The following NECAB1 variants were observed in gnomAD, a reference collection of about 807,000 sequenced individuals.
NECAB1 encodes the protein N-terminal EF-hand calcium-binding protein 1.
NECAB1 carries 29 observed loss-of-function variants against 57.5 expected under a neutral mutation model. The observed-to-expected ratio is 0.50, with a 90% CI of 0.38 to 0.69. The LOEUF (loss-of-function observed/expected upper bound fraction) is 0.69, where lower values mean the gene tolerates loss of function less well. NECAB1 is among the 30% of genes least tolerant of loss of function. The pLI is 0.00. For missense variants in NECAB1, 372 were observed against 413.8 expected (o/e 0.90, Z 0.88); for synonymous variants, 142 against 147.7 (o/e 0.96, Z 0.28).
intron 12 of NECAB1, among the ~76,000 whole-genome samples, chr8:90,952,133 A>G (rs1021972245): frequency 3.3e-5 from 5 of 152,006 alleles, no homozygotes; most frequent in Non-Finnish European, 7.4e-5. Context: ...ACATGTTCTA[A>G]TCAGTAATAA....
chr8:90,835,984 GA>G (rs1812365411), intron 3 of NECAB1, among the ~76,000 whole-genome samples: 1 of 152,202 alleles, frequency 6.6e-6, no homozygotes, highest in South Asian at 2.1e-4. Context: ...TTTTGTTTGG[GA>G]GGAGGATAAA....
chr8:90,877,558 C>T (rs1808750205), intron 4 of NECAB1, among the ~76,000 whole-genome samples: 1 of 152,126 alleles, frequency 6.6e-6, no homozygotes, highest in Non-Finnish European at 1.5e-5. Flanking sequence ...TACAAATCAC[C>T]TGGGGGTCTT....
intron 12 of NECAB1, among the ~76,000 whole-genome samples, chr8:90,955,147 T>TATATAC (rs1343129307): frequency 1.5e-5 from 2 of 134,920 alleles, no homozygotes; most frequent in African/African-American, 5.7e-5. Context: ...TATATATATA[T>TATATAC]ATGGCCTAAC....
rs868820634 is a variant in NECAB1, at chr8:90,857,572, T to C, written c.234-14556T>C. On this transcript the variant is annotated intron_variant, in intron 3 of 12. Coordinates refer to ENST00000417640, the MANE Select transcript of NECAB1 (RefSeq NM_022351.5). The stretch of plus-strand genomic sequence containing the variant: ...TAACTAGTATATATATGCTTTTTCA[T>C]GTGAAACACAGGAACATAATTTCTA... Among the ~76,000 whole-genome samples the C allele has an allele frequency of 3.3e-5, 5 of 152,278 alleles. No homozygotes were observed. In the South Asian group the frequency reaches 1.0e-3, roughly 32 times the overall value.
intron 2 of NECAB1, chr8:90,812,875 T>C (rs1444249076): frequency 6.6e-6 from 1 of 152,216 alleles, no homozygotes; most frequent in African/African-American, 2.4e-5. Context: ...TAAAAGTACC[T>C]CGCAAAATAA....
chr8:90,926,283 C>T (rs529366368), intron 7 of NECAB1, among the ~76,000 whole-genome samples: 2 of 152,072 alleles, frequency 1.3e-5, no homozygotes, highest in African/African-American at 4.8e-5. Context: ...GTCATTTTAA[C>T]ACGAGTCTTT....
chr8:90,856,191 A>G (rs950234364), intron 3 of NECAB1, among the ~76,000 whole-genome samples: 1 of 152,214 alleles, frequency 6.6e-6, no homozygotes, highest in Non-Finnish European at 1.5e-5. Context: ...AGTTTCAGTC[A>G]CTTGTTAACA....
At chr8:90,906,891 A>ATATATATGTATGTATG (rs1809680355) in intron 5 of NECAB1, among the ~76,000 whole-genome samples, 1 of 113,414 alleles carries the variant, frequency 8.8e-6, no homozygotes, top group Admixed American at 8.5e-5. Context: ...ATATATATAT[A>ATATATATGTATGTATG]TATATATATA....
chr8:90,903,174 C>T (rs1419961250), intron 5 of NECAB1, among the ~76,000 whole-genome samples: 1 of 151,598 alleles, frequency 6.6e-6, no homozygotes, highest in Non-Finnish European at 1.5e-5. Context: ...AATTTATATA[C>T]CATAAAATTA....
At chr8:90,886,390 T>C (rs917401014) in intron 5 of NECAB1, among the ~76,000 whole-genome samples, 1 of 152,218 alleles carries the variant, frequency 6.6e-6, no homozygotes, top group African/African-American at 2.4e-5. Context: ...CAGTTTTGTG[T>C]CAGAGCTCAC....
intron 7 of NECAB1, among the ~76,000 whole-genome samples, chr8:90,926,006 C>A (rs1393317502): frequency 6.6e-6 from 1 of 152,140 alleles, no homozygotes; most frequent in Non-Finnish European, 1.5e-5. Flanking sequence ...GATCTCCAAG[C>A]CTCCCTAAGC....
chr8:90,894,368 C>A (rs1367712728), intron 5 of NECAB1, among the ~76,000 whole-genome samples: 1 of 152,206 alleles, frequency 6.6e-6, no homozygotes, highest in Admixed American at 6.5e-5. Flanking sequence ...CTACCTCTCA[C>A]TCCCCAAACT....
In NECAB1 at chr8:90,801,565, T is replaced by C. The variant is rs114869379; in HGVS notation, c.100-126T>C. 2.1e-3 allele frequency: 1,398 copies of C among 680,984 alleles called. 12 individuals carry two copies. In the African/African-American group the frequency reaches 0.023, roughly 11 times the overall value. 42.2% of individuals were successfully genotyped at this position (680,984 alleles called of 1,614,324 possible). On this transcript the variant is annotated intron_variant, in intron 1 of 12. Transcript: ENST00000417640. ...TAGATATTATAAAGAAAGATCTCAA[T>C]TGGGAAACGCTTACTTAAAATTAGA...
intron 2 of NECAB1, among the ~76,000 whole-genome samples, chr8:90,818,740 C>T (rs1439127660): frequency 6.6e-6 from 1 of 151,886 alleles, no homozygotes; most frequent in African/African-American, 2.4e-5. Flanking sequence ...GAGATTGATC[C>T]TCTTTGGTAC....
At chr8:90,840,709 C>G (rs1474081643) in intron 3 of NECAB1, among the ~76,000 whole-genome samples, 1 of 152,116 alleles carries the variant, frequency 6.6e-6, no homozygotes, top group African/African-American at 2.4e-5. Context: ...GTTTGTTTGA[C>G]TGCGGTCTTA....
chr8:90,903,272 T>C (rs562871250), intron 5 of NECAB1, among the ~76,000 whole-genome samples: 1 of 152,132 alleles, frequency 6.6e-6, no homozygotes, highest in Non-Finnish European at 1.5e-5. Context: ...AACAATTTTT[T>C]AAAAATATTT....
intron 5 of NECAB1, among the ~76,000 whole-genome samples, chr8:90,885,188 G>A (rs1808947367): frequency 6.6e-6 from 1 of 152,158 alleles, no homozygotes; most frequent in Non-Finnish European, 1.5e-5. Context: ...TTCACACAGT[G>A]GCGTAGATGA....
intron 3 of NECAB1, among the ~76,000 whole-genome samples, chr8:90,855,397 G>C (rs548183744): frequency 2.6e-5 from 4 of 152,186 alleles, no homozygotes; most frequent in Non-Finnish European, 5.9e-5. Flanking sequence ...TATTCTTTTA[G>C]GAGTCTTTGG....
chr8:90,949,006 C>T (rs1368856706), intron 10 of NECAB1, among the ~76,000 whole-genome samples: 2 of 152,108 alleles, frequency 1.3e-5, no homozygotes, highest in African/African-American at 2.4e-5. Context: ...TTTCCTCCTT[C>T]GGGCTAGTCA....
Sources: allele counts gnomAD v4.1 joint callset (sites outside exome capture counted in the v4.1 genomes callset), GRCh38; gene constraint gnomAD v4.1.1; transcripts MANE v1.5; gene names NCBI Gene and HGNC (gene_info 2026-07-23, HGNC 2026-07-21).